Variants in RASGEF1C observed in about 807,000 individuals in gnomAD.
RASGEF1C encodes the protein ras-GEF domain-containing family member 1C.
In RASGEF1C, 27 loss-of-function variants were observed where a neutral mutation model predicts 58.1. The observed-to-expected ratio is 0.46, with a 90% CI of 0.34 to 0.64. The LOEUF is 0.64. RASGEF1C is among the 30% of genes least tolerant of loss of function. The probability of loss-of-function intolerance (pLI) is 0.01; values close to 1 mark genes in which losing one functional copy is unlikely to be tolerated. For synonymous variants in RASGEF1C, 243 were observed against 246.3 expected (o/e 0.99, Z 0.13); for missense variants, 502 against 605.1 (o/e 0.83, Z 1.79).
chr5:180,151,078 A>C (rs1766738543), intron 1 of RASGEF1C, among the ~76,000 whole-genome samples: 1 of 152,050 alleles, frequency 6.6e-6, no homozygotes, highest in Admixed American at 6.6e-5. Flanking sequence ...GATACAAACA[A>C]ATGGAAGAAC....
chr5:180,165,965 G>A (rs1767015681), intron 1 of RASGEF1C, among the ~76,000 whole-genome samples: 1 of 151,552 alleles, frequency 6.6e-6, no homozygotes, highest in Admixed American at 6.6e-5. Context: ...TAGCCAGGAT[G>A]GTCTTGATCT....
rs543332943 is a variant in RASGEF1C at position 180,156,048 on chromosome 5, G to A, written c.-6-17990C>T. On this transcript the variant is annotated intron_variant, in intron 1 of 13. Coordinates refer to ENST00000361132, the MANE Select transcript of RASGEF1C (RefSeq NM_175062.4). The surrounding 1 kb of genome is among the most constrained non-coding windows in gnomAD (Gnocchi z 4.9). Reference sequence around the variant, plus strand: ...CAGGACCCAGGCTAATAAAAAGAGCGTTACCAGTACCTTAAAATCCCTAAT... The same window carrying A: ...CAGGACCCAGGCTAATAAAAAGAGCATTACCAGTACCTTAAAATCCCTAAT... Among the ~76,000 whole-genome samples, 8 of 152,288 alleles carry A rather than the reference G, an allele frequency of 5.3e-5. No homozygotes were observed. The highest frequency in any genetic ancestry group is 4.1e-4 in the South Asian group (2 of 4,822).
At position 180,121,043 on chromosome 5, in the gene RASGEF1C, C is replaced by G; in HGVS notation, c.804+17G>C. The G allele has an allele frequency of 6.2e-7, 1 of 1,604,358 alleles. No individual in the cohort carries two copies. Among genetic ancestry groups the G allele is most frequent in the Non-Finnish European group, 8.5e-7 (1 of 1,171,156 alleles). ...TGGGGCTATGCCAGGTGGTGCCCAC[C>G]CTGGCTGTCTACTCACCATGCAGAT... On this transcript the variant is annotated intron_variant, in intron 7 of 13. Transcript: ENST00000361132.
In RASGEF1C at chr5:180,177,735, T is replaced by C. The variant is rs1176630607; in HGVS notation, c.-7+31293A>G. The stretch of plus-strand genomic sequence containing the variant: ...CTCCCTGGCCTCTGGGATAAATCCA[T>C]GGGCAGGCATGTCACCTGGGTGGGC... On this transcript the variant is annotated intron_variant, in intron 1 of 13. Transcript: ENST00000361132. This position sits in a 1 kb window ranked among gnomAD's most constrained non-coding sequence, Gnocchi z 5.0. Among the ~76,000 whole-genome samples the C allele has an allele frequency of 1.3e-5, 2 of 152,172 alleles. No individual in the cohort carries two copies. Among genetic ancestry groups the C allele is most frequent in the Non-Finnish European group, 2.9e-5 (2 of 68,028 alleles).
intron 1 of RASGEF1C, among the ~76,000 whole-genome samples, chr5:180,140,807 G>A (rs985980382): frequency 6.6e-6 from 1 of 152,244 alleles, no homozygotes; most frequent in African/African-American, 2.4e-5. Context: ...GGATGCAATC[G>A]GCAGAGAGAC....
At chr5:180,190,454 C>A (rs540891328) in intron 1 of RASGEF1C, among the ~76,000 whole-genome samples, 1 of 133,874 alleles carries the variant, frequency 7.5e-6, no homozygotes, top group Non-Finnish European at 1.6e-5. Flanking sequence ...CGCGCCACTG[C>A]ACTCCAGACT....
intron 1 of RASGEF1C, among the ~76,000 whole-genome samples, chr5:180,153,044 C>T (rs188071533): frequency 2.1e-4 from 32 of 151,912 alleles, no homozygotes; most frequent in African/African-American, 2.9e-4. Context: ...CCTTTATAAA[C>T]GTCCCCATAT....
chr5:180,165,119 CT>C (rs1561748251), intron 1 of RASGEF1C, among the ~76,000 whole-genome samples: 2 of 151,982 alleles, frequency 1.3e-5, no homozygotes, highest in African/African-American at 2.4e-5. Context: ...CTGATATATC[CT>C]TTTCCCATTC....
In RASGEF1C at chr5:180,137,725, C is replaced by T. The variant is rs555881537; in HGVS notation, c.178-13G>A. ...AGATGTAGGCTTTCTGGGGGACACA[C>T]GAGAAAGAGGGCACAGGCTCAGGAG... On this transcript the variant is annotated splice_polypyrimidine_tract_variant and intron_variant, in intron 2 of 13. Transcript: ENST00000361132. This position sits in a 1 kb window ranked among gnomAD's most constrained non-coding sequence, Gnocchi z 4.1. 4 of 1,612,708 alleles carry T rather than the reference C, an allele frequency of 2.5e-6. No homozygotes were observed. The highest frequency in any genetic ancestry group is 2.2e-5 in the South Asian group (2 of 91,018).
At chr5:180,149,157 G>A (rs1191191068) in intron 1 of RASGEF1C, among the ~76,000 whole-genome samples, 4 of 144,190 alleles carry the variant, frequency 2.8e-5, no homozygotes, top group Non-Finnish European at 4.5e-5. Flanking sequence ...GCACAATCTC[G>A]GCTCACTGCA....
intron 1 of RASGEF1C, among the ~76,000 whole-genome samples, chr5:180,167,935 G>A (rs1024871820): frequency 3.3e-5 from 5 of 152,218 alleles, no homozygotes; most frequent in African/African-American, 4.8e-5. Context: ...GTGGTTCCAC[G>A]TAAGCTCTGT....
intron 1 of RASGEF1C, among the ~76,000 whole-genome samples, chr5:180,186,078 C>G: frequency 7.9e-6 from 1 of 125,788 alleles, no homozygotes; most frequent in Admixed American, 1.0e-4. Context: ...GCCTGGGTGA[C>G]AGAGCCAGGC....
chr5:180,137,525 C>G lies in RASGEF1C; in HGVS notation c.300+65G>C, dbSNP rs1035463755. ...TCATTGCCTCCCCGAGAGGCTGATG[C>G]GTTGAGGGCATGGCAGGGCAGTGCT... On this transcript the variant is annotated intron_variant, in intron 3 of 13. Transcript: ENST00000361132. The surrounding 1 kb of genome is among the most constrained non-coding windows in gnomAD (Gnocchi z 4.1). The G allele has an allele frequency of 1.3e-6, 2 of 1,568,704 alleles. No individual in the cohort carries two copies. The highest frequency in any genetic ancestry group is 1.4e-5 in the African/African-American group (1 of 73,898).
At chr5:180,164,077 T>G (rs981485229) in intron 1 of RASGEF1C, among the ~76,000 whole-genome samples, 1 of 152,190 alleles carries the variant, frequency 6.6e-6, no homozygotes, top group Non-Finnish European at 1.5e-5. Context: ...TCTCGTGATA[T>G]CCCCACTTTC....
chr5:180,125,364 G>A (rs766669814), intron 6 of RASGEF1C, among the ~76,000 whole-genome samples: 5 of 152,204 alleles, frequency 3.3e-5, no homozygotes, highest in Admixed American at 1.3e-4. Flanking sequence ...AAGAAATCCT[G>A]TAGCAAACAT....
At chr5:180,181,236 A>G (rs1767318241) in intron 1 of RASGEF1C, among the ~76,000 whole-genome samples, 1 of 152,206 alleles carries the variant, frequency 6.6e-6, no homozygotes, top group Non-Finnish European at 1.5e-5. Context: ...GTAAACATAA[A>G]AGACTTAAAA....
chr5:180,202,974 T>C (rs1169778877), intron 1 of RASGEF1C, among the ~76,000 whole-genome samples: 1 of 152,196 alleles, frequency 6.6e-6, no homozygotes, highest in East Asian at 1.9e-4. Flanking sequence ...AGTGCTGGGA[T>C]GACAGGTGTG....
intron 12 of RASGEF1C, among the ~76,000 whole-genome samples, chr5:180,104,101 A>G (rs13354002): frequency 0.12 from 17,545 of 152,128 alleles, 2,954 homozygotes; most frequent in African/African-American, 0.37. Context: ...TCTTGTGTCT[A>G]TATTCATGAG....
Position 180,137,922 on chromosome 5 carries a change from T to C in RASGEF1C, c.131A>G (p.Glu44Gly), listed in dbSNP as rs1220378481. 1 of 1,613,150 alleles carries C rather than the reference T, an allele frequency of 6.2e-7. No homozygotes were observed. The highest frequency in any genetic ancestry group is 1.7e-5 in the Admixed American group (1 of 59,968). The change falls in exon 2 of 14, where the codon GAA (glutamate) becomes GGA (glycine). Residue 44 changes from glutamate to glycine, a missense_variant. Transcript: ENST00000361132. This position sits in a 1 kb window ranked among gnomAD's most constrained non-coding sequence, Gnocchi z 4.1. ...GGGCACCAGGTGCTGGATCAGTGTT[T>C]CCAGGGAGGCTGAGGATGGCGCTCC... ...LDGAPSSASLETLIQHLVPTA... is the reference protein window; with the variant it reads ...LDGAPSSASLGTLIQHLVPTA...
Sources: allele counts gnomAD v4.1 joint callset (sites outside exome capture counted in the v4.1 genomes callset), GRCh38; gene constraint gnomAD v4.1.1; non-coding constraint Gnocchi (gnomAD v3.1); transcripts MANE v1.5; gene names NCBI Gene and HGNC (gene_info 2026-07-23, HGNC 2026-07-21).